DYM: variants seen among roughly 807,000 people sequenced by gnomAD.
The protein encoded by DYM is dymeclin.
In DYM, 78 loss-of-function variants were observed where a neutral mutation model predicts 93.1. The observed-to-expected ratio is 0.84, with a 90% CI of 0.70 to 1.01. The LOEUF is 1.01. Ranked by LOEUF, DYM falls within the 50% of genes least tolerant of loss-of-function variation. The pLI, the probability that DYM is intolerant of heterozygous loss-of-function variation, is 0.00. For synonymous variants in DYM, 321 were observed against 319.7 expected (o/e 1.00, Z -0.04); for missense variants, 789 against 845.0 (o/e 0.93, Z 0.82).
At chr18:49,222,170 A>G (rs950063370) in intron 13 of DYM, among the ~76,000 whole-genome samples, 6 of 152,088 alleles carry the variant, frequency 3.9e-5, no homozygotes, top group Non-Finnish European at 8.8e-5. Context: ...AACTATATAC[A>G]CATACACGGA....
Position 49,379,768 on chromosome 18 carries a change from A to G in DYM, c.194-10T>C. On this transcript the variant is annotated splice_polypyrimidine_tract_variant and intron_variant, in intron 3 of 17. Transcript: ENST00000675505. ...CGAGGATTGTTTTCAACTGCAAGAGAAGAAAAGGTTTTAAAAAGTTAAATT... is the reference window on the plus strand; with the variant it reads ...CGAGGATTGTTTTCAACTGCAAGAGGAGAAAAGGTTTTAAAAAGTTAAATT... The G allele has an allele frequency of 6.2e-7, 1 of 1,603,728 alleles. No individual in the cohort carries two copies. Among genetic ancestry groups the G allele is most frequent in the Non-Finnish European group, 8.5e-7 (1 of 1,170,934 alleles).
intron 17 of DYM, among the ~76,000 whole-genome samples, chr18:49,049,097 G>C (rs2072041490): frequency 6.6e-6 from 1 of 151,474 alleles, no homozygotes; most frequent in African/African-American, 2.4e-5. Context: ...ATTTTATTAT[G>C]AAGTTATTCT....
At chr18:49,433,163 G>T (rs575325102) in intron 1 of DYM, among the ~76,000 whole-genome samples, 1 of 152,232 alleles carries the variant, frequency 6.6e-6, no homozygotes, top group African/African-American at 2.4e-5. Context: ...AACAGCTCCC[G>T]GATCAACCAG....
At chr18:49,229,498 G>C (rs2093635788) in intron 13 of DYM, among the ~76,000 whole-genome samples, 1 of 152,068 alleles carries the variant, frequency 6.6e-6, no homozygotes, top group South Asian at 2.1e-4. Flanking sequence ...AAGATACATG[G>C]ATGGCAAAAG....
At chr18:49,184,154 T>C (rs1435725781) in intron 14 of DYM, among the ~76,000 whole-genome samples, 1 of 152,186 alleles carries the variant, frequency 6.6e-6, no homozygotes, top group Non-Finnish European at 1.5e-5. Context: ...AGTTCCTCTC[T>C]TCCCACTAAA....
At chr18:49,224,783 T>C (rs972525362) in intron 13 of DYM, among the ~76,000 whole-genome samples, 42 of 152,082 alleles carry the variant, frequency 2.8e-4, no homozygotes, top group African/African-American at 9.4e-4. Context: ...AGCTACCCAG[T>C]ATATGCTATT....
intron 15 of DYM, among the ~76,000 whole-genome samples, chr18:49,155,622 T>A (rs2086318459): frequency 6.6e-6 from 1 of 152,226 alleles, no homozygotes. Flanking sequence ...TCCATATACA[T>A]GAGATCAAAC....
chr18:49,239,107 C>G (rs1423313532), intron 13 of DYM, among the ~76,000 whole-genome samples: 1 of 152,074 alleles, frequency 6.6e-6, no homozygotes, highest in African/African-American at 2.4e-5. Context: ...TACAGGAACT[C>G]TGTGCACTTG....
chr18:49,392,013 A>G (rs1459881717), intron 2 of DYM, among the ~76,000 whole-genome samples: 3 of 152,184 alleles, frequency 2.0e-5, no homozygotes, highest in Admixed American at 2.0e-4. Context: ...GAAATATGCT[A>G]TTATTTTTAG....
At chr18:49,263,141 G>C (rs1465336120) in intron 11 of DYM, among the ~76,000 whole-genome samples, 1 of 148,704 alleles carries the variant, frequency 6.7e-6, no homozygotes, top group Non-Finnish European at 1.5e-5. Flanking sequence ...TTTTTGAGTT[G>C]GAGCCTCACT....
At chr18:49,078,554 G>C (rs528675502) in intron 17 of DYM, among the ~76,000 whole-genome samples, 1 of 151,980 alleles carries the variant, frequency 6.6e-6, no homozygotes, top group East Asian at 1.9e-4. Context: ...TTCCCTTCCG[G>C]CTCTTTCCCT....
chr18:49,078,945 G>A (rs1444707968), intron 17 of DYM, among the ~76,000 whole-genome samples: 1 of 152,142 alleles, frequency 6.6e-6, no homozygotes, highest in African/African-American at 2.4e-5. Flanking sequence ...GGTTAATTGA[G>A]TTGTTCCCGC....
At chr18:49,280,814 A>G (rs2094953542) in intron 10 of DYM, among the ~76,000 whole-genome samples, 1 of 152,240 alleles carries the variant, frequency 6.6e-6, no homozygotes, top group African/African-American at 2.4e-5. Flanking sequence ...TAAAATACAA[A>G]CACATGGAAT....
rs118032363 is a variant in DYM, at chr18:49,340,459, C to A, written c.495-6606G>T. ...TATGTAGAAGTAAACATATTAAACA[C>A]ATCAGAATGGCTATCTATGGGAAAG... On this transcript the variant is annotated intron_variant, in intron 6 of 17. Transcript: ENST00000675505. Among the ~76,000 whole-genome samples, 837 of 152,102 alleles carry A rather than the reference C, an allele frequency of 5.5e-3. 3 individuals are homozygous for A. Among genetic ancestry groups the A allele is most frequent in the Admixed American group, 0.011 (163 of 15,294 alleles).
intron 15 of DYM, among the ~76,000 whole-genome samples, chr18:49,142,360 C>A (rs1387156584): frequency 6.6e-6 from 1 of 152,052 alleles, no homozygotes; most frequent in Non-Finnish European, 1.5e-5. Flanking sequence ...TATTAAGAGA[C>A]AGAACTAGGA....
intron 13 of DYM, among the ~76,000 whole-genome samples, chr18:49,232,003 A>T (rs988930975): frequency 5.3e-5 from 8 of 152,236 alleles, no homozygotes; most frequent in Admixed American, 4.6e-4. Flanking sequence ...ATTCCTTTAT[A>T]ATAATATTCA....
chr18:49,099,960 C>G (rs953356460), intron 16 of DYM, among the ~76,000 whole-genome samples: 1 of 152,060 alleles, frequency 6.6e-6, no homozygotes, highest in African/African-American at 2.4e-5. Context: ...TGGGGAAACA[C>G]GCTATTTCGT....
chr18:49,378,511 T>G (rs2067725307), intron 5 of DYM, 56 bp downstream of exon 5: 1 of 1,504,032 alleles, frequency 6.6e-7, no homozygotes, highest in Non-Finnish European at 9.2e-7. Context: ...TCCTGAAATT[T>G]TATCCTTAAA....
intron 8 of DYM, among the ~76,000 whole-genome samples, chr18:49,310,975 A>C (rs1158292955): frequency 6.6e-6 from 1 of 152,242 alleles, no homozygotes; most frequent in African/African-American, 2.4e-5. Flanking sequence ...ATTTCAATGC[A>C]ATCAATATAA....
Sources: gnomAD v4.1 joint callset for allele counts (sites outside exome capture counted in the v4.1 genomes callset) on GRCh38, gnomAD v4.1.1 for gene constraint, MANE v1.5 for transcripts, NCBI Gene and HGNC (gene_info 2026-07-23, HGNC 2026-07-21) for gene names.